PCCB: variants seen among roughly 807,000 people sequenced by gnomAD.
The protein encoded by PCCB is propionyl-CoA carboxylase subunit beta.
PCCB carries 43 observed loss-of-function variants against 60.7 expected under a neutral mutation model. The observed-to-expected ratio is 0.71, with a 90% confidence interval of 0.55 to 0.91. The LOEUF is 0.91. Among genes scored for constraint, PCCB ranks in the 40% least tolerant of loss-of-function variants. The pLI is 0.00. For synonymous variants in PCCB, 276 were observed against 255.9 expected (o/e 1.08, Z -0.75); for missense variants, 766 against 702.8 (o/e 1.09, Z -1.02).
At chr3:136,291,507 T>A (rs978618514) in intron 6 of PCCB, among the ~76,000 whole-genome samples, 2 of 152,190 alleles carry the variant, frequency 1.3e-5, no homozygotes, top group African/African-American at 4.8e-5. Context: ...TGTAGTCTTA[T>A]GAGTAGGTGT....
chr3:136,305,843 A>G (rs1934439216), intron 9 of PCCB, among the ~76,000 whole-genome samples: 1 of 121,474 alleles, frequency 8.2e-6, no homozygotes, highest in African/African-American at 2.5e-5. Flanking sequence ...ACAAATCAAT[A>G]CGGTAGTCAG....
At position 136,293,805 on chromosome 3, in the gene PCCB, C is replaced by A; in HGVS notation, c.704C>A (p.Thr235Asn). 1 of 1,613,626 alleles carries A rather than the reference C, an allele frequency of 6.2e-7. No individual in the cohort carries two copies. Among genetic ancestry groups the A allele is most frequent in the Non-Finnish European group, 8.5e-7 (1 of 1,179,578 alleles). The change falls in exon 7 of 15, where the codon ACC becomes AAC. Residue 235 changes from threonine (T) to asparagine (N), a missense_variant. By Grantham distance (65) the Thr-to-Asn change is moderately conservative. Transcript: ENST00000251654. ...ITGPDVVKSVTNEDVTQEELG... is the reference protein window; with the variant it reads ...ITGPDVVKSVNNEDVTQEELG... Reference sequence around the variant, plus strand: ...GGCCCTGATGTTGTGAAGTCTGTCACCAATGAGGATGTTACCCAGGAGGAG... The same window carrying A: ...GGCCCTGATGTTGTGAAGTCTGTCAACAATGAGGATGTTACCCAGGAGGAG...
intron 3 of PCCB, 47 bp from the exon 4 acceptor site, chr3:136,260,432 C>G: frequency 1.3e-6 from 2 of 1,484,672 alleles, no homozygotes; most frequent in Non-Finnish European, 1.9e-6. Flanking sequence ...GTTTTCATCT[C>G]TAGCCAGTCA....
chr3:136,262,764 C>CT lies in PCCB; in HGVS notation c.543+701dup, dbSNP rs560458837. Reference sequence around the variant, plus strand: ...ATTGTTTTTAATCAGGCCAGCCACTCTTATCATCCCTGCTCTGCAGGCTTA... The same window carrying CT: ...ATTGTTTTTAATCAGGCCAGCCACTCTTTATCATCCCTGCTCTGCAGGCTTA... On this transcript the variant is annotated intron_variant, in intron 5 of 14. Coordinates refer to ENST00000251654, the MANE Select transcript of PCCB (RefSeq NM_000532.5). Among the ~76,000 whole-genome samples, 20 of 152,272 alleles carry CT rather than the reference C, an allele frequency of 1.3e-4. No homozygotes were observed. The South Asian group carries it at 2.9e-3, about 22-fold the overall frequency.
chr3:136,322,612 TA>T (rs1159178113), intron 10 of PCCB, among the ~76,000 whole-genome samples: 1 of 152,196 alleles, frequency 6.6e-6, no homozygotes, highest in Non-Finnish European at 1.5e-5. Flanking sequence ...ATGTAGGAAA[TA>T]AAAAGTGAAG....
chr3:136,274,863 G>C (rs1227749268), intron 5 of PCCB, among the ~76,000 whole-genome samples: 1 of 144,896 alleles, frequency 6.9e-6, no homozygotes, highest in Non-Finnish European at 1.5e-5. Flanking sequence ...GTCTTACTCT[G>C]TTGCCCAGGC....
At chr3:136,259,194 C>G in intron 3 of PCCB, 1 of 1,445,546 alleles carries the variant, frequency 6.9e-7, no homozygotes, top group Non-Finnish European at 9.1e-7. Flanking sequence ...AGGCTGGGCA[C>G]AGTGGCTCCC....
At chr3:136,328,931 C>A in intron 14 of PCCB, 74 bp downstream of exon 14, 3 of 1,212,504 alleles carry the variant, frequency 2.5e-6, no homozygotes, top group South Asian at 1.2e-5. Context: ...CAGAAATTGT[C>A]ACATAACTGC....
intron 3 of PCCB, among the ~76,000 whole-genome samples, chr3:136,259,422 G>T (rs1008533571): frequency 1.3e-5 from 2 of 152,102 alleles, no homozygotes; most frequent in Non-Finnish European, 2.9e-5. Flanking sequence ...CCAAGATTAC[G>T]CCACTGCACT....
At chr3:136,264,463 T>TATATATATA (rs1941923681) in intron 5 of PCCB, among the ~76,000 whole-genome samples, 1 of 148,740 alleles carries the variant, frequency 6.7e-6, no homozygotes, top group Non-Finnish European at 1.5e-5. Flanking sequence ...TATATATATG[T>TATATATATA]TCCTCCTGGC....
chr3:136,300,020 ACACGCCCACACATGCATATATG>A (rs1560019613), intron 8 of PCCB, among the ~76,000 whole-genome samples: 9 of 151,938 alleles, frequency 5.9e-5, no homozygotes, highest in African/African-American at 2.2e-4. Flanking sequence ...ATGCATGTGT[ACACGCCCACACATGCATATATG>A]CATGCCCACA....
At chr3:136,257,943 A>T (rs868041623) in intron 3 of PCCB, among the ~76,000 whole-genome samples, 1 of 152,240 alleles carries the variant, frequency 6.6e-6, no homozygotes, top group African/African-American at 2.4e-5. Context: ...AAACAAAAAA[A>T]TAATAAAATA....
chr3:136,320,811 T>G lies in PCCB; in HGVS notation c.1090+3747T>G, dbSNP rs564545078. Among the ~76,000 whole-genome samples the G allele has an allele frequency of 2.6e-5, 4 of 152,364 alleles. No homozygotes were observed. The South Asian group carries it at 6.2e-4, about 24-fold the overall frequency. ...ACTTCTTCCTTTCCAATTTGGATGC[T>G]TTTTATTTTTCTTGTCTAATTGCTC... On this transcript the variant is annotated intron_variant, in intron 10 of 14. Coordinates refer to ENST00000251654, the MANE Select transcript of PCCB (RefSeq NM_000532.5).
At chr3:136,269,775 A>G (rs1180837482) in intron 5 of PCCB, among the ~76,000 whole-genome samples, 1 of 151,422 alleles carries the variant, frequency 6.6e-6, no homozygotes, top group Non-Finnish European at 1.5e-5. Context: ...AGTCCCAGCT[A>G]CTCGGGAGGC....
At chr3:136,281,582 G>A (rs1277649160) in intron 5 of PCCB, among the ~76,000 whole-genome samples, 4 of 152,020 alleles carry the variant, frequency 2.6e-5, no homozygotes, top group Admixed American at 1.3e-4. Flanking sequence ...CAGTTCATGT[G>A]CCATCTTTGA....
chr3:136,300,782 A>G (rs1934240553), intron 8 of PCCB, among the ~76,000 whole-genome samples: 1 of 152,374 alleles, frequency 6.6e-6, no homozygotes, highest in South Asian at 2.1e-4. Context: ...AATAACGTTT[A>G]GAGGAATAAA....
At chr3:136,322,818 A>G (rs1408918676) in intron 10 of PCCB, among the ~76,000 whole-genome samples, 1 of 152,118 alleles carries the variant, frequency 6.6e-6, no homozygotes, top group Non-Finnish European at 1.5e-5. Context: ...TTTATCTGAA[A>G]ATGTCTTAAT....
intron 9 of PCCB, among the ~76,000 whole-genome samples, chr3:136,312,588 C>T (rs1358269821): frequency 6.6e-6 from 1 of 152,100 alleles, no homozygotes; most frequent in Non-Finnish European, 1.5e-5. Context: ...ATACTTTACA[C>T]CATGTACAAA....
intron 10 of PCCB, among the ~76,000 whole-genome samples, chr3:136,320,771 AATAGAG>A (rs1935080881): frequency 6.6e-6 from 1 of 152,298 alleles, no homozygotes; most frequent in South Asian, 2.1e-4. Flanking sequence ...ATTTTCTGCA[AATAGAG>A]ATAGTTTTAC....
Sources: allele counts gnomAD v4.1 joint callset (sites outside exome capture counted in the v4.1 genomes callset), GRCh38; gene constraint gnomAD v4.1.1; transcripts MANE v1.5; gene names NCBI Gene and HGNC (gene_info 2026-07-23, HGNC 2026-07-21).